Variants in BPNT2 observed in about 807,000 individuals in gnomAD.
The protein encoded by BPNT2 is 3'(2'), 5'-bisphosphate nucleotidase 2, also known as Golgi-resident adenosine 3',5'-bisphosphate 3'-phosphatase.
In BPNT2, 11 loss-of-function variants were observed where a neutral mutation model predicts 29.3. That is an observed-to-expected ratio of 0.38 (90% CI 0.24 to 0.62). The LOEUF (loss-of-function observed/expected upper bound fraction) is 0.62. Among genes scored for constraint, BPNT2 ranks in the 20% least tolerant of loss-of-function variants. The pLI is 0.62. For synonymous variants in BPNT2, 195 were observed against 187.7 expected (o/e 1.04, Z -0.32); for missense variants, 459 against 473.4 (o/e 0.97, Z 0.28).
At chr8:56,970,928 T>C (rs982408267) in intron 3 of BPNT2, among the ~76,000 whole-genome samples, 1 of 152,126 alleles carries the variant, frequency 6.6e-6, no homozygotes, top group African/African-American at 2.4e-5. Context: ...ATCCTCTTAA[T>C]CCTTTTCATA....
At chr8:56,966,780 A>C (rs1461551471) in intron 3 of BPNT2, among the ~76,000 whole-genome samples, 1 of 152,162 alleles carries the variant, frequency 6.6e-6, no homozygotes, top group Non-Finnish European at 1.5e-5. Context: ...TGGAGAACCC[A>C]ACCTGCAACA....
At position 56,958,668 on chromosome 8, in the gene BPNT2, T is replaced by A. The variant is rs916246546; in HGVS notation, c.*5125A>T. The A allele has an allele frequency of 6.6e-6, 1 of 152,188 alleles. No homozygotes were observed. Among genetic ancestry groups the A allele is most frequent in the Non-Finnish European group, 1.5e-5 (1 of 68,028 alleles). The allele number at this position is 152,188 out of a possible 1,614,324, so 9.4% of individuals were successfully genotyped here. ...TGAAAACTCCATTTCCTAGTTTTAG[T>A]GTAAACTCAATCCCTTGTGCATATA... On this transcript the variant is annotated 3_prime_UTR_variant, in exon 5 of 5. Coordinates refer to ENST00000262644, the MANE Select transcript of BPNT2 (RefSeq NM_017813.5).
intron 1 of BPNT2, among the ~76,000 whole-genome samples, chr8:56,982,602 G>A (rs745334264): frequency 2.0e-4 from 31 of 152,076 alleles, no homozygotes; most frequent in Non-Finnish European, 4.0e-4. Context: ...TTAGATTCTA[G>A]TATAGATAAA....
intron 3 of BPNT2, chr8:56,967,348 G>T: frequency 2.3e-6 from 1 of 428,198 alleles, no homozygotes; most frequent in Non-Finnish European, 4.7e-6. Flanking sequence ...AGAACAAATA[G>T]AAATACCCAT....
At chr8:56,980,680 C>G (rs1407542454) in intron 1 of BPNT2, among the ~76,000 whole-genome samples, 1 of 149,258 alleles carries the variant, frequency 6.7e-6, no homozygotes, top group Non-Finnish European at 1.5e-5. Context: ...ATAAATTTAA[C>G]TTACCATACA....
chr8:56,968,094 T>C (rs1452733880), intron 3 of BPNT2, among the ~76,000 whole-genome samples: 1 of 151,948 alleles, frequency 6.6e-6, no homozygotes, highest in Non-Finnish European at 1.5e-5. Flanking sequence ...AAACCAATAT[T>C]CTAACATGAT....
chr8:56,977,557 A>G (rs916789219), intron 3 of BPNT2, among the ~76,000 whole-genome samples: 6 of 152,178 alleles, frequency 3.9e-5, no homozygotes, highest in African/African-American at 1.2e-4. Flanking sequence ...CCCCAAAAAG[A>G]TATGTTGACA....
At chr8:56,968,799 G>A (rs1424062472) in intron 3 of BPNT2, among the ~76,000 whole-genome samples, 1 of 152,194 alleles carries the variant, frequency 6.6e-6, no homozygotes, top group Non-Finnish European at 1.5e-5. Flanking sequence ...AGTTTAGTGG[G>A]TTGAATGAAC....
At chr8:56,965,682 A>G (rs1428005300) in intron 4 of BPNT2, among the ~76,000 whole-genome samples, 2 of 152,234 alleles carry the variant, frequency 1.3e-5, no homozygotes, top group East Asian at 1.9e-4. Flanking sequence ...CTATAATACA[A>G]TAGTAGAGAA....
chr8:56,964,424 G>A (rs1178146984), intron 4 of BPNT2: 1 of 204,464 alleles, frequency 4.9e-6, no homozygotes, highest in South Asian at 7.2e-5. Flanking sequence ...CCAGCCTCCT[G>A]AGTAGCTGGG....
intron 3 of BPNT2, among the ~76,000 whole-genome samples, chr8:56,974,712 A>G (rs1279770374): frequency 6.6e-6 from 1 of 152,232 alleles, no homozygotes; most frequent in East Asian, 1.9e-4. Flanking sequence ...GCCGCATTAC[A>G]GAAGAATGGG....
intron 1 of BPNT2, among the ~76,000 whole-genome samples, chr8:56,988,294 T>C (rs1806357059): frequency 6.6e-6 from 1 of 152,146 alleles, no homozygotes; most frequent in South Asian, 2.1e-4. Context: ...TTACTCACAG[T>C]CTCCATTTCC....
intron 4 of BPNT2, 127 bp downstream of exon 4, chr8:56,966,064 C>T: frequency 9.9e-7 from 1 of 1,008,036 alleles, no homozygotes; most frequent in Non-Finnish European, 1.5e-6. Flanking sequence ...GGAGACCAAG[C>T]CTGTCTTGAA....
At chr8:56,985,853 G>A (rs1427503939) in intron 1 of BPNT2, among the ~76,000 whole-genome samples, 1 of 152,176 alleles carries the variant, frequency 6.6e-6, no homozygotes, top group Non-Finnish European at 1.5e-5. Context: ...CTGGCCAGCA[G>A]AATATAGACA....
At chr8:56,991,396 C>T (rs1315405837) in intron 1 of BPNT2, among the ~76,000 whole-genome samples, 1 of 152,242 alleles carries the variant, frequency 6.6e-6, no homozygotes, top group Non-Finnish European at 1.5e-5. Flanking sequence ...CCCTTGGCAG[C>T]CATTCCCTTA....
Position 56,993,232 on chromosome 8 carries a change from G to C in BPNT2, c.354C>G (p.Phe118Leu). The change falls in exon 1 of 5, where the codon TTC (phenylalanine) becomes TTG (leucine). Residue 118 changes from phenylalanine to leucine, a missense_variant. Coordinates refer to ENST00000262644, the MANE Select transcript of BPNT2 (RefSeq NM_017813.5). Reference sequence around the variant, plus strand: ...TGGGGAAGGCGGTCTTGAGCAGGTAGAACATCTTGCGGTTGGACAGCACGT... The same window carrying C: ...TGGGGAAGGCGGTCTTGAGCAGGTACAACATCTTGCGGTTGGACAGCACGT... ...SGDVLSNRKM[F>L]YLLKTAFPSV... 1.9e-6 allele frequency: 3 copies of C among 1,605,860 alleles called. No individual in the cohort carries two copies. Among genetic ancestry groups the C allele is most frequent in the South Asian group, 1.1e-5 (1 of 90,964 alleles).
At chr8:56,974,140 G>A (rs546262821) in intron 3 of BPNT2, among the ~76,000 whole-genome samples, 117 of 152,116 alleles carry the variant, frequency 7.7e-4, no homozygotes, top group African/African-American at 2.6e-3. Flanking sequence ...TTACTTTATT[G>A]TAAGAAACAG....
At chr8:56,975,874 A>C (rs1318141840) in intron 3 of BPNT2, among the ~76,000 whole-genome samples, 2 of 152,168 alleles carry the variant, frequency 1.3e-5, no homozygotes, top group Non-Finnish European at 2.9e-5. Context: ...GGAAGGTATT[A>C]AATTTTTGAG....
intron 3 of BPNT2, among the ~76,000 whole-genome samples, chr8:56,976,991 G>A (rs1806151760): frequency 6.6e-6 from 1 of 152,110 alleles, no homozygotes; most frequent in Non-Finnish European, 1.5e-5. Context: ...CTCACAGATA[G>A]AACTTTGCTT....
Sources: allele counts gnomAD v4.1 joint callset (sites outside exome capture counted in the v4.1 genomes callset), GRCh38; gene constraint gnomAD v4.1.1; transcripts MANE v1.5; gene names NCBI Gene and HGNC (gene_info 2026-07-23, HGNC 2026-07-21).